The following ATP10A variants were observed in gnomAD, a reference collection of about 807,000 sequenced individuals.
The protein encoded by ATP10A is ATPase phospholipid transporting 10A (putative), also known as phospholipid-transporting ATPase VA.
A neutral mutation model predicts 147.8 loss-of-function variants in ATP10A; 111 were observed. That is an observed-to-expected ratio of 0.75 (90% CI 0.64 to 0.88). ATP10A has a LOEUF of 0.88. Ranked by LOEUF, ATP10A falls within the 40% of genes least tolerant of loss-of-function variation. The probability of loss-of-function intolerance (pLI) is 0.00; values close to 1 mark genes in which losing one functional copy is unlikely to be tolerated. For missense variants in ATP10A, 1,927 were observed against 1,959.0 expected (o/e 0.98, Z 0.31); for synonymous variants, 875 against 841.6 (o/e 1.04, Z -0.69).
At chr15:25,825,137 G>C (rs1892064127) in intron 1 of ATP10A, among the ~76,000 whole-genome samples, 1 of 152,150 alleles carries the variant, frequency 6.6e-6, no homozygotes, top group Non-Finnish European at 1.5e-5. Context: ...GCTTTTCCCT[G>C]GAAAATCCCA....
At chr15:25,694,694 G>C in intron 14 of ATP10A, 125 bp downstream of exon 14, 6 of 860,900 alleles carry the variant, frequency 7.0e-6, no homozygotes, top group Non-Finnish European at 1.0e-5. Context: ...TATCACACTG[G>C]GTGTGATTTT....
chr15:25,721,049 C>T (rs981372812), intron 7 of ATP10A, among the ~76,000 whole-genome samples: 28 of 152,310 alleles, frequency 1.8e-4, no homozygotes, highest in African/African-American at 5.8e-4. Context: ...CATGCCCTCT[C>T]CTGACTGGGG....
intron 1 of ATP10A, among the ~76,000 whole-genome samples, chr15:25,812,990 A>G (rs893612690): frequency 3.3e-5 from 5 of 152,376 alleles, no homozygotes; most frequent in Non-Finnish European, 5.9e-5. Flanking sequence ...CCAGTTCATC[A>G]TCTGAGGAGC....
rs780855821 is a variant in ATP10A, at chr15:25,694,844, C to G, written c.3063G>C (p.Lys1021Asn). The G allele has an allele frequency of 1.9e-6, 3 of 1,613,192 alleles. No individual in the cohort carries two copies. The highest frequency in any genetic ancestry group is 2.5e-6 in the Non-Finnish European group (3 of 1,179,466). ...CTATGGCCAGGGTCATGGCCTTGAGCTTGCTCCGCACCAGCTTCACCACCA... is the reference window on the plus strand; with the variant it reads ...CTATGGCCAGGGTCATGGCCTTGAGGTTGCTCCGCACCAGCTTCACCACCA... ...KSMVVKLVRSKLKAMTLAIGD... is the reference protein window; with the variant it reads ...KSMVVKLVRSNLKAMTLAIGD... Residue 1021 changes from lysine to asparagine, a missense_variant, in exon 14 of 21, where the codon AAG becomes AAC. By Grantham distance (94) the Lys-to-Asn change is moderately conservative (BLOSUM62 0). Coordinates refer to ENST00000555815, the MANE Select transcript of ATP10A (RefSeq NM_024490.4).
At chr15:25,847,665 C>T (rs1287104460) in intron 1 of ATP10A, among the ~76,000 whole-genome samples, 1 of 107,136 alleles carries the variant, frequency 9.3e-6, no homozygotes, top group Non-Finnish European at 1.7e-5. Flanking sequence ...TAGAGTCTCA[C>T]TCTGTCACCT....
chr15:25,768,142 G>T (rs1360695483), intron 2 of ATP10A, among the ~76,000 whole-genome samples: 1 of 152,148 alleles, frequency 6.6e-6, no homozygotes, highest in Non-Finnish European at 1.5e-5. Flanking sequence ...CAAGTGCTGG[G>T]CCGGCATGAC....
chr15:25,774,873 T>C (rs1488722909), intron 2 of ATP10A, among the ~76,000 whole-genome samples: 1 of 152,214 alleles, frequency 6.6e-6, no homozygotes, highest in Non-Finnish European at 1.5e-5. Flanking sequence ...AAGTCATTTA[T>C]TTCTGTCTTT....
At chr15:25,857,487 T>C (rs538511772) in intron 1 of ATP10A, among the ~76,000 whole-genome samples, 7 of 152,184 alleles carry the variant, frequency 4.6e-5, no homozygotes, top group African/African-American at 9.7e-5. Context: ...ATGGTATTTA[T>C]AGTTTAGTTT....
rs1890460423 is a variant in ATP10A at position 25,792,261 on chromosome 15, C to T, written c.450-11038G>A. 2.6e-5 allele frequency among the ~76,000 whole-genome samples: 4 copies of T among 152,340 alleles called. No homozygotes were observed. The South Asian group carries it at 8.3e-4, about 32-fold the overall frequency. On this transcript the variant is annotated intron_variant, in intron 1 of 20. Transcript: ENST00000555815. ...GTACAGTATGTTGGATCAGTGCCAC[C>T]ATTAGCTTCAGCGCTGAGAGGAGTC... is the stretch of plus-strand genomic sequence containing the variant.
chr15:25,845,799 C>T (rs1332150613), intron 1 of ATP10A, among the ~76,000 whole-genome samples: 1 of 152,206 alleles, frequency 6.6e-6, no homozygotes, highest in Non-Finnish European at 1.5e-5. Flanking sequence ...TCCCGGAATC[C>T]ATGCAGAATG....
At position 25,733,525 on chromosome 15, in the gene ATP10A, A is replaced by G. The variant is rs532296287; in HGVS notation, c.740+2531T>C. ...CTCCCCTTGGTCGTGCCCCACAGTCACGGGGGCAAGTATTAACACACTGCT... is the reference window on the plus strand; with the variant it reads ...CTCCCCTTGGTCGTGCCCCACAGTCGCGGGGGCAAGTATTAACACACTGCT... On this transcript the variant is annotated intron_variant, in intron 3 of 20. Transcript: ENST00000555815. Among the ~76,000 whole-genome samples the G allele has an allele frequency of 2.0e-5, 3 of 152,226 alleles. No individual in the cohort carries two copies. The East Asian group carries it at 5.8e-4, about 29-fold the overall frequency.
chr15:25,732,545 C>T (rs1171681468), intron 3 of ATP10A, among the ~76,000 whole-genome samples: 1 of 147,716 alleles, frequency 6.8e-6, no homozygotes, highest in Admixed American at 7.0e-5. Flanking sequence ...GAGCATTTCA[C>T]ATGCGACACC....
chr15:25,806,521 C>T (rs988763784), intron 1 of ATP10A, among the ~76,000 whole-genome samples: 1 of 151,980 alleles, frequency 6.6e-6, no homozygotes, highest in Admixed American at 6.6e-5. Flanking sequence ...ACGGTGTTAG[C>T]CAGGATGGTC....
At chr15:25,749,123 A>T (rs1888015229) in intron 2 of ATP10A, among the ~76,000 whole-genome samples, 1 of 151,880 alleles carries the variant, frequency 6.6e-6, no homozygotes, top group African/African-American at 2.4e-5. Context: ...TGGATACAAG[A>T]TCACCTACTA....
At chr15:25,806,144 G>A (rs1295218313) in intron 1 of ATP10A, among the ~76,000 whole-genome samples, 1 of 151,962 alleles carries the variant, frequency 6.6e-6, no homozygotes, top group Non-Finnish European at 1.5e-5. Context: ...AGTGTGCCTG[G>A]CTCTCCTGCC....
intron 2 of ATP10A, among the ~76,000 whole-genome samples, chr15:25,750,983 C>G (rs1888127494): frequency 6.6e-6 from 1 of 152,066 alleles, no homozygotes; most frequent in Admixed American, 6.6e-5. Context: ...AGGCTTAAAT[C>G]TAACCATGTC....
At chr15:25,752,097 T>C (rs1567355795) in intron 2 of ATP10A, among the ~76,000 whole-genome samples, 1 of 152,166 alleles carries the variant, frequency 6.6e-6, no homozygotes, top group Non-Finnish European at 1.5e-5. Flanking sequence ...TATGGAAAAC[T>C]GTATGGAGGT....
intron 1 of ATP10A, among the ~76,000 whole-genome samples, chr15:25,823,926 T>C (rs1891998524): frequency 6.6e-6 from 1 of 152,338 alleles, no homozygotes; most frequent in South Asian, 2.1e-4. Context: ...CTGCAGGTCA[T>C]GTGCGTTCTT....
At chr15:25,699,995 C>A (rs12148793) in intron 13 of ATP10A, among the ~76,000 whole-genome samples, 119,889 of 152,104 alleles carry the variant, frequency 0.79, 47,576 homozygotes, top group Non-Finnish European at 0.85. Flanking sequence ...TCACATAGCC[C>A]ACAAAGGACT....
Sources: gnomAD v4.1 joint callset for allele counts (sites outside exome capture counted in the v4.1 genomes callset) on GRCh38, gnomAD v4.1.1 for gene constraint, MANE v1.5 for transcripts, NCBI Gene and HGNC (gene_info 2026-07-23, HGNC 2026-07-21) for gene names.